Variants in FBXL14 observed in about 807,000 individuals in gnomAD.
The protein encoded by FBXL14 is F-box/LRR-repeat protein 14.
Under a neutral mutation model 24.5 loss-of-function variants are expected in FBXL14, and 11 were observed. That is an observed-to-expected ratio of 0.45 (90% CI 0.28 to 0.74). The LOEUF (loss-of-function observed/expected upper bound fraction) is 0.74. FBXL14 is among the 30% of genes least tolerant of loss of function. FBXL14 has a pLI of 0.12. For synonymous variants in FBXL14, 294 were observed against 240.4 expected, an observed-to-expected ratio of 1.22 and a Z score of -2.06; for missense variants, 384 against 545.6, an observed-to-expected ratio of 0.70 and a Z score of 2.95.
intron 1 of FBXL14, among the ~76,000 whole-genome samples, chr12:1,581,368 C>T (rs1414664882): frequency 6.6e-6 from 1 of 152,116 alleles, no homozygotes; most frequent in Non-Finnish European, 1.5e-5. Context: ...GGGAAGGTCC[C>T]CTACAAGAGA....
rs573392449 is a variant in FBXL14, at chr12:1,566,602, C to T, written c.*146G>A. 30 of 669,006 alleles carry T rather than the reference C, an allele frequency of 4.5e-5. No homozygotes were observed. The highest frequency in any genetic ancestry group is 2.8e-4 in the South Asian group (16 of 56,860). 41.4% of individuals were successfully genotyped at this position (669,006 alleles called of 1,614,324 possible). A position where few individuals can be genotyped will look rare whatever the true frequency, so the allele number is the denominator to read the frequency against. On this transcript the variant is annotated 3_prime_UTR_variant, in exon 2 of 2. Transcript: ENST00000339235. ...AGGAGAATGCAGCTTCACAAGGTAC[C>T]GGAGCAGAAGCCCTGGGCAGCAGCC...
rs575040465 is a variant in FBXL14, at chr12:1,586,951, A to G, written c.1194+5922T>C. 5.9e-5 allele frequency among the ~76,000 whole-genome samples: 9 copies of G among 152,332 alleles called. No homozygotes were observed. The South Asian group carries it at 1.9e-3, about 32-fold the overall frequency. On this transcript the variant is annotated intron_variant, in intron 1 of 1. Coordinates refer to ENST00000339235, the MANE Select transcript of FBXL14 (RefSeq NM_152441.3). ...TAAAGCATTTGTTCCTTAAACAACT[A>G]AAGTGGCCGGGCGCGGTGGCTCATG...
At chr12:1,578,190 C>G (rs2094459545) in intron 1 of FBXL14, among the ~76,000 whole-genome samples, 1 of 152,198 alleles carries the variant, frequency 6.6e-6, no homozygotes, top group Non-Finnish European at 1.5e-5. Context: ...AATTATTTAG[C>G]TACCTCTAAT....
chr12:1,581,955 T>C (rs1436730465), intron 1 of FBXL14, among the ~76,000 whole-genome samples: 4 of 152,052 alleles, frequency 2.6e-5, no homozygotes, highest in Non-Finnish European at 4.4e-5. Flanking sequence ...CAAAACCCTG[T>C]CTCTACTAAA....
intron 1 of FBXL14, among the ~76,000 whole-genome samples, chr12:1,581,073 T>C (rs1017260745): frequency 6.6e-6 from 1 of 152,172 alleles, no homozygotes; most frequent in African/African-American, 2.4e-5. Context: ...ATTGCTGTTA[T>C]GTGTGGCCAC....
intron 1 of FBXL14, 78 bp from the exon 2 acceptor site, chr12:1,566,888 TAACCCC>T (rs2094437265): frequency 6.7e-6 from 5 of 748,110 alleles, no homozygotes; most frequent in Non-Finnish European, 1.2e-5. Context: ...TCGCCTCCCC[TAACCCC>T]ACCGCGGCTT....
intron 1 of FBXL14, among the ~76,000 whole-genome samples, chr12:1,578,150 G>C (rs577694435): frequency 6.6e-6 from 1 of 152,172 alleles, no homozygotes; most frequent in Admixed American, 6.5e-5. Flanking sequence ...ATTTTATACT[G>C]AATTCTAATT....
At chr12:1,580,765 A>C (rs2094464711) in intron 1 of FBXL14, among the ~76,000 whole-genome samples, 1 of 152,146 alleles carries the variant, frequency 6.6e-6, no homozygotes. Flanking sequence ...TTAGAGGAGA[A>C]AAGCTGTTGA....
At chr12:1,587,721 A>G (rs557618103) in intron 1 of FBXL14, among the ~76,000 whole-genome samples, 70 of 152,344 alleles carry the variant, frequency 4.6e-4, no homozygotes, top group Middle Eastern at 3.4e-3. Context: ...CATCTGTTTT[A>G]CAACTTTTTA....
At chr12:1,578,640 A>G (rs2094460413) in intron 1 of FBXL14, among the ~76,000 whole-genome samples, 1 of 152,124 alleles carries the variant, frequency 6.6e-6, no homozygotes, top group Non-Finnish European at 1.5e-5. Context: ...CGCCGTCTCT[A>G]AAATAAAATA....
intron 1 of FBXL14, among the ~76,000 whole-genome samples, chr12:1,581,062 C>T (rs1412539413): frequency 6.6e-6 from 1 of 152,190 alleles, no homozygotes; most frequent in Non-Finnish European, 1.5e-5. Flanking sequence ...GGACTGGCCT[C>T]ATTGCTGTTA....
intron 1 of FBXL14, chr12:1,574,629 T>C (rs372394688): frequency 8.6e-4 from 173 of 202,146 alleles, no homozygotes; most frequent in African/African-American, 3.7e-3. Context: ...CAGAACCTTC[T>C]TTTGAGGGAT....
At chr12:1,585,391 C>G (rs2094474581) in intron 1 of FBXL14, among the ~76,000 whole-genome samples, 1 of 147,504 alleles carries the variant, frequency 6.8e-6, no homozygotes, top group African/African-American at 2.6e-5. Context: ...GAGCGAGACT[C>G]CGTCTCAAAA....
Position 1,566,807 on chromosome 12 carries a change from C to T in FBXL14, c.1198G>A (p.Ala400Thr), listed in dbSNP as rs1565579659. Residue 400 changes from alanine to threonine, a missense_variant, in exon 2 of 2, where the codon GCA becomes ACA. Ala to Thr is a moderately conservative substitution (Grantham distance 58). Coordinates refer to ENST00000339235, the MANE Select transcript of FBXL14 (RefSeq NM_152441.3). ...LWQMTDSEKE[A>T]RGDFSPLFTV... ...AATAATGGAGAAAAATCCCCTCGTG[C>T]CTCCTGCAGTGGGAAGAAGAAAAAG... The T allele has an allele frequency of 5.1e-6, 4 of 780,924 alleles. No individual in the cohort carries two copies. Among genetic ancestry groups the T allele is most frequent in the African/African-American group, 1.7e-5 (1 of 59,260 alleles). 48.4% of individuals were successfully genotyped at this position (780,924 alleles called of 1,614,324 possible). A position where few individuals can be genotyped will look rare whatever the true frequency, so the allele number is the denominator to read the frequency against.
chr12:1,578,690 G>T (rs75008933), intron 1 of FBXL14, among the ~76,000 whole-genome samples: 6,519 of 152,140 alleles, frequency 0.043, 240 homozygotes, highest in East Asian at 0.18. Flanking sequence ...TGTTAAAAGC[G>T]CAGAGAAGCT....
chr12:1,582,857 A>T (rs533105558), intron 1 of FBXL14, among the ~76,000 whole-genome samples: 31 of 152,286 alleles, frequency 2.0e-4, no homozygotes, highest in Admixed American at 7.8e-4. Context: ...GTTGAGTACC[A>T]GGAGGGCAAG....
Position 1,593,924 on chromosome 12 carries a change from AC to A in FBXL14, c.142del (p.Val48TrpfsTer29). 6.5e-7 allele frequency: 1 copy of A among 1,530,318 alleles called. No homozygotes were observed. The highest frequency in any genetic ancestry group is 8.7e-7 in the Non-Finnish European group (1 of 1,145,668). The allele number at this position is 1,530,318 out of a possible 1,614,324, so 94.8% of individuals were successfully genotyped here. On this transcript the variant is annotated frameshift_variant, in exon 1 of 2. Transcript: ENST00000339235. LOFTEE classifies it high-confidence loss of function. The surrounding 1 kb of genome is among the most constrained non-coding windows in gnomAD (Gnocchi z 7.4). ...AAYHKSVWRG[V>X]EAKLHLRRAN... ...CCGGCGCAGGTGCAGCTTGGCCTCC[AC>A]CCCCCGCCACACCGACTTGTGGTAG...
rs1375616249 is a variant in FBXL14, at chr12:1,594,045, G to A, written c.22C>T (p.Leu8=). Reference sequence around the variant, plus strand: ...ATCATGGCCAGCAGCTCCGGGAACAGGCATGAGATGTGGGTCTCCATCTTC... The same window carrying A: ...ATCATGGCCAGCAGCTCCGGGAACAAGCATGAGATGTGGGTCTCCATCTTC... The part of the protein sequence containing the change: METHISC[L]FPELLAMIFG... Residue 8 remains leucine (L), a synonymous_variant, in exon 1 of 2, where the codon CTG becomes TTG. Coordinates refer to ENST00000339235, the MANE Select transcript of FBXL14 (RefSeq NM_152441.3). 6.5e-7 allele frequency: 1 copy of A among 1,534,800 alleles called. No homozygotes were observed. The highest frequency in any genetic ancestry group is 8.7e-7 in the Non-Finnish European group (1 of 1,148,770).
At chr12:1,582,254 A>C (rs2154438065) in intron 1 of FBXL14, among the ~76,000 whole-genome samples, 1 of 152,300 alleles carries the variant, frequency 6.6e-6, no homozygotes, top group East Asian at 1.9e-4. Context: ...AAAGAAAAGA[A>C]AAGAAAGAGA....
Sources: gnomAD v4.1 joint callset for allele counts (sites outside exome capture counted in the v4.1 genomes callset) on GRCh38, gnomAD v4.1.1 for gene constraint, Gnocchi (gnomAD v3.1) non-coding constraint, MANE v1.5 for transcripts, NCBI Gene and HGNC (gene_info 2026-07-23, HGNC 2026-07-21) for gene names.